Variants in TMIGD2 observed in about 807,000 individuals in gnomAD.
TMIGD2 encodes the protein transmembrane and immunoglobulin domain-containing protein 2.
A neutral mutation model predicts 22.6 loss-of-function variants in TMIGD2; 18 were observed. The observed-to-expected ratio is 0.80, with a 90% confidence interval of 0.55 to 1.18. The LOEUF (loss-of-function observed/expected upper bound fraction) is 1.18, where lower values mean the gene tolerates loss of function less well. Among genes scored for constraint, TMIGD2 ranks in the 50% most tolerant of loss-of-function variants. The pLI is 0.00. For missense variants in TMIGD2, 361 were observed against 378.2 expected, an observed-to-expected ratio of 0.95 and a Z score of 0.38; for synonymous variants, 184 against 154.1, an observed-to-expected ratio of 1.19 and a Z score of -1.44.
exon 2 of TMIGD2, chr19:4,298,010 T>C (rs747969931): frequency 9.3e-6 from 15 of 1,606,194 alleles, no homozygotes; most frequent in South Asian, 1.1e-5. Flanking sequence ...AGCCTTGTTA[T>C]GTTGCCCTCA....
At chr19:4,292,588 C>G in exon 5 of TMIGD2, 1 of 1,612,484 alleles carries the variant, frequency 6.2e-7, no homozygotes, top group South Asian at 1.1e-5. Flanking sequence ...GTTGAGGTCT[C>G]CTGGGATCTC....
chr19:4,298,299 C>G (rs915352746), exon 2 of TMIGD2: 2 of 1,603,394 alleles, frequency 1.2e-6, no homozygotes, highest in African/African-American at 2.7e-5. Flanking sequence ...TCACCTGCAG[C>G]AAGTTGGGCC....
intron 4 of TMIGD2, 66 bp downstream of exon 4, chr19:4,294,513 G>A (rs1250831656): frequency 6.7e-7 from 1 of 1,488,786 alleles, no homozygotes; most frequent in East Asian, 2.3e-5. Flanking sequence ...CAGATGCAGT[G>A]GGTCTTTGTC....
In TMIGD2 at chr19:4,298,029, C is replaced by T. The variant is rs770540505; in HGVS notation, c.363G>A (p.Leu121=). The T allele has an allele frequency of 6.2e-6, 10 of 1,611,710 alleles. No homozygotes were observed. In the South Asian group the frequency reaches 1.1e-4, roughly 18 times the overall value. ...TTGTTATGTTGCCCTCAGCCTCCTC[C>T]AACTCAGGAATCTCTACGGCCGCCC... is the stretch of plus-strand genomic sequence containing the variant. The change falls in exon 2 of 5, where the codon TTG becomes TTA. Residue 121 remains leucine, a synonymous_variant. Coordinates refer to ENST00000301272, the Ensembl canonical transcript of TMIGD2.
chr19:4,294,716 G>T (rs1489109383), intron 3 of TMIGD2, 36 bp from the exon 4 acceptor site: 1 of 1,571,168 alleles, frequency 6.4e-7, no homozygotes, highest in African/African-American at 1.4e-5. Flanking sequence ...TAATCAGGAG[G>T]GGAAGGGGTG....
intron 2 of TMIGD2, among the ~76,000 whole-genome samples, chr19:4,295,485 G>A (rs1296729793): frequency 2.0e-5 from 3 of 151,300 alleles, no homozygotes; most frequent in African/African-American, 7.3e-5. Flanking sequence ...GTGTGAACCC[G>A]GGAGGCGGAG....
intron 1 of TMIGD2, among the ~76,000 whole-genome samples, chr19:4,299,138 A>AT (rs1199517058): frequency 2.0e-5 from 3 of 151,972 alleles, no homozygotes; most frequent in South Asian, 2.1e-4. Flanking sequence ...TGAGGTGGTG[A>AT]TTTTTTATTT....
chr19:4,294,380 G>A (rs1971429078), intron 4 of TMIGD2, among the ~76,000 whole-genome samples, 199 bp downstream of exon 4: 1 of 152,158 alleles, frequency 6.6e-6, no homozygotes, highest in Non-Finnish European at 1.5e-5. Context: ...GTAGAGATGG[G>A]ATCTTGCTAG....
Position 4,292,995 on chromosome 19 carries a change from A to C in TMIGD2, c.563-110T>G, listed in dbSNP as rs1340156418. ...TTTTTTTTCTGTGAGACGGAGTCTC[A>C]CTCTGTCGCCCAGGCTGGAGTGCAG... On this transcript the variant is annotated intron_variant, in intron 4 of 4. Transcript: ENST00000301272. 1.7e-5 allele frequency: 26 copies of C among 1,505,830 alleles called. No individual in the cohort carries two copies. The Admixed American group carries it at 2.2e-4, about 13-fold the overall frequency. 93.3% of individuals were successfully genotyped at this position (1,505,830 alleles called of 1,614,324 possible). A position where few individuals can be genotyped will look rare whatever the true frequency, so the allele number is the denominator to read the frequency against.
intron 2 of TMIGD2, among the ~76,000 whole-genome samples, chr19:4,297,164 C>G (rs1049640538): frequency 1.3e-5 from 2 of 150,180 alleles, no homozygotes; most frequent in Non-Finnish European, 3.0e-5. Flanking sequence ...GCAACCTCCC[C>G]CTCCCGGATT....
At chr19:4,297,909 A>T in intron 2 of TMIGD2, 77 bp downstream of exon 2, 1 of 1,436,228 alleles carries the variant, frequency 7.0e-7, no homozygotes, top group Non-Finnish European at 9.2e-7. Flanking sequence ...TTTTGTTTCT[A>T]GGAGTTTAAG....
intron 1 of TMIGD2, among the ~76,000 whole-genome samples, chr19:4,300,302 T>C (rs1385104037): frequency 1.3e-5 from 2 of 149,236 alleles, no homozygotes; most frequent in Non-Finnish European, 3.0e-5. Context: ...CTCACGCCTA[T>C]AATCCCAGCA....
Position 4,300,319 on chromosome 19 carries a change from G to T in TMIGD2, c.47-1974C>A, listed in dbSNP as rs149788456. ...CACGCCTATAATCCCAGCACTTTGG[G>T]AGGCAGAGGCGGGCGGATCACGAGG... is the stretch of plus-strand genomic sequence containing the variant. On this transcript the variant is annotated intron_variant, in intron 1 of 4. Transcript: ENST00000301272. 5.2e-3 allele frequency among the ~76,000 whole-genome samples: 793 copies of T among 151,324 alleles called. 22 individuals are homozygous for T. Among genetic ancestry groups the T allele is most frequent in the African/African-American group, 0.018 (749 of 41,054 alleles).
intron 2 of TMIGD2, 126 bp downstream of exon 2, chr19:4,297,858 TAA>T (rs11303106): frequency 0.18 from 177,147 of 1,006,622 alleles, 1 homozygote; most frequent in East Asian, 0.23. Flanking sequence ...CTCTGTCTCT[TAA>T]AAAAAAAAAA....
intron 2 of TMIGD2, 144 bp from the exon 3 acceptor site, chr19:4,294,960 C>T: frequency 1.2e-6 from 1 of 824,398 alleles, no homozygotes; most frequent in Non-Finnish European, 1.7e-6. Flanking sequence ...TCTGTTTCTT[C>T]TTCTGAAAAA....
chr19:4,293,467 G>A (rs541749966), intron 4 of TMIGD2, among the ~76,000 whole-genome samples: 20 of 141,536 alleles, frequency 1.4e-4, no homozygotes, highest in African/African-American at 4.4e-4. Flanking sequence ...TCACCACGTT[G>A]GCCAGGCTGG....
chr19:4,301,044 C>T (rs1971530209), intron 1 of TMIGD2, among the ~76,000 whole-genome samples: 1 of 151,220 alleles, frequency 6.6e-6, no homozygotes, highest in African/African-American at 2.4e-5. Context: ...GTGATCTCGG[C>T]TCATTGCAAC....
exon 4 of TMIGD2, chr19:4,294,631 G>T (rs376179994): frequency 6.2e-6 from 10 of 1,607,406 alleles, no homozygotes; most frequent in African/African-American, 2.7e-5. Flanking sequence ...CACCCCACAC[G>T]ATCGCAGCCA....
At chr19:4,292,719 G>T in exon 5 of TMIGD2, 2 of 1,607,966 alleles carry the variant, frequency 1.2e-6, no homozygotes, top group Non-Finnish European at 1.7e-6. Flanking sequence ...AGGGTCTCGG[G>T]CTGGGGCAGG....
Sources: gnomAD v4.1 joint callset for allele counts (sites outside exome capture counted in the v4.1 genomes callset) on GRCh38, gnomAD v4.1.1 for gene constraint, MANE v1.5 for transcripts, NCBI Gene and HGNC (gene_info 2026-07-23, HGNC 2026-07-21) for gene names.